The following FTO variants were observed in gnomAD, a reference collection of about 807,000 sequenced individuals.
The protein encoded by FTO is FTO alpha-ketoglutarate dependent dioxygenase.
Under a neutral mutation model 63.9 loss-of-function variants are expected in FTO, and 47 were observed. The observed-to-expected ratio is 0.74, with a 90% CI of 0.58 to 0.94. The LOEUF (loss-of-function observed/expected upper bound fraction) is 0.94. Among genes scored for constraint, FTO ranks in the 40% least tolerant of loss-of-function variants. The pLI, the probability that FTO is intolerant of heterozygous loss-of-function variation, is 0.00. For synonymous variants in FTO, 207 were observed against 224.4 expected (o/e 0.92, Z 0.69); for missense variants, 562 against 618.1 (o/e 0.91, Z 0.96).
At chr16:53,807,929 A>G (rs2078414192) in intron 1 of FTO, among the ~76,000 whole-genome samples, 1 of 152,186 alleles carries the variant, frequency 6.6e-6, no homozygotes. Flanking sequence ...AGATAAATCA[A>G]TTAACCAATA....
intron 1 of FTO, among the ~76,000 whole-genome samples, chr16:53,714,080 G>A (rs2075839930): frequency 6.6e-6 from 1 of 152,136 alleles, no homozygotes. Context: ...ATGGATAAAG[G>A]GCAGTTAAGA....
chr16:54,110,651 G>A (rs578123375), intron 8 of FTO, among the ~76,000 whole-genome samples: 1 of 152,332 alleles, frequency 6.6e-6, no homozygotes, highest in South Asian at 2.1e-4. Flanking sequence ...ATGGGGCCAG[G>A]ATATTCCATT....
chr16:53,867,439 A>G (rs775031387), intron 4 of FTO, among the ~76,000 whole-genome samples: 8 of 152,076 alleles, frequency 5.3e-5, no homozygotes, highest in Non-Finnish European at 1.2e-4. Context: ...GATAGAAGAG[A>G]TAACAATTTA....
At chr16:53,771,365 A>G (rs955338559) in intron 1 of FTO, among the ~76,000 whole-genome samples, 2 of 152,142 alleles carry the variant, frequency 1.3e-5, no homozygotes, top group Non-Finnish European at 2.9e-5. Flanking sequence ...TTCAGAATAT[A>G]TTCAGAATCC....
chr16:53,758,566 C>A (rs1026860505), intron 1 of FTO, among the ~76,000 whole-genome samples: 1 of 152,180 alleles, frequency 6.6e-6, no homozygotes, highest in Admixed American at 6.5e-5. Flanking sequence ...GTGAGGCCCA[C>A]CAGTTGACAA....
intron 1 of FTO, among the ~76,000 whole-genome samples, chr16:53,806,587 G>A (rs1197244962): frequency 6.6e-6 from 1 of 152,122 alleles, no homozygotes; most frequent in Non-Finnish European, 1.5e-5. Flanking sequence ...TCATCATGTG[G>A]ATGTCCTGTA....
chr16:53,754,599 C>T (rs2076876477), intron 1 of FTO, among the ~76,000 whole-genome samples: 1 of 152,118 alleles, frequency 6.6e-6, no homozygotes, highest in African/African-American at 2.4e-5. Context: ...GATCGCACCA[C>T]TGCACTCCAG....
intron 8 of FTO, among the ~76,000 whole-genome samples, chr16:54,078,431 C>T (rs1003845721): frequency 2.0e-5 from 3 of 148,420 alleles, no homozygotes; most frequent in Admixed American, 6.7e-5. Context: ...TATATATTTG[C>T]ACACACACAC....
chr16:54,019,068 G>A (rs865874159), intron 8 of FTO, among the ~76,000 whole-genome samples: 1 of 152,092 alleles, frequency 6.6e-6, no homozygotes, highest in Admixed American at 6.6e-5. Context: ...CCTCATGCTG[G>A]CCTCCTTTGG....
chr16:54,099,044 G>T (rs941004520), intron 8 of FTO, among the ~76,000 whole-genome samples: 1 of 152,124 alleles, frequency 6.6e-6, no homozygotes, highest in East Asian at 1.9e-4. Context: ...ATTTGGAAAG[G>T]GTTATCTTTT....
chr16:53,975,329 A>C (rs2143768480), intron 8 of FTO, among the ~76,000 whole-genome samples: 1 of 152,150 alleles, frequency 6.6e-6, no homozygotes, highest in South Asian at 2.1e-4. Flanking sequence ...TGCCCAAAGA[A>C]GTTTTCATAT....
intron 8 of FTO, among the ~76,000 whole-genome samples, chr16:53,945,603 T>G (rs2082635165): frequency 6.6e-6 from 1 of 152,248 alleles, no homozygotes; most frequent in South Asian, 2.1e-4. Flanking sequence ...TTTTTAGTTG[T>G]GGGTGCATCT....
chr16:54,003,843 T>C (rs1418114708), intron 8 of FTO, among the ~76,000 whole-genome samples: 1 of 152,218 alleles, frequency 6.6e-6, no homozygotes, highest in Non-Finnish European at 1.5e-5. Flanking sequence ...TGATGAGACA[T>C]CTCTTTAGTG....
chr16:53,723,910 G>A (rs777557001), intron 1 of FTO, among the ~76,000 whole-genome samples: 2 of 152,196 alleles, frequency 1.3e-5, no homozygotes, highest in Non-Finnish European at 2.9e-5. Context: ...GAAATAGCAG[G>A]AGTCACTAAT....
intron 8 of FTO, among the ~76,000 whole-genome samples, chr16:53,950,179 A>AAAAAAC (rs201710707): frequency 2.8e-4 from 41 of 145,850 alleles, no homozygotes; most frequent in Non-Finnish European, 2.9e-4. Flanking sequence ...AAAAAAAAAA[A>AAAAAAC]CTTAATCCAT....
chr16:53,927,056 A>G (rs1447664242), intron 7 of FTO, among the ~76,000 whole-genome samples: 1 of 152,204 alleles, frequency 6.6e-6, no homozygotes, highest in Non-Finnish European at 1.5e-5. Flanking sequence ...ATTATTTAAG[A>G]GGAAGTAACA....
rs1418825021 is a variant in FTO at position 54,114,163 on chromosome 16, C to T, written c.*2248C>T. Reference sequence around the variant, plus strand: ...CAATAGTCCTAGGCCCCCATCCTCGCATGGCAGCAAGCTAAATAAGCATCT... The same window carrying T: ...CAATAGTCCTAGGCCCCCATCCTCGTATGGCAGCAAGCTAAATAAGCATCT... On this transcript the variant is annotated 3_prime_UTR_variant, in exon 9 of 9. Coordinates refer to ENST00000471389, the MANE Select transcript of FTO (RefSeq NM_001080432.3). 3 of 152,216 alleles carry T rather than the reference C, an allele frequency of 2.0e-5. No homozygotes were observed. The highest frequency in any genetic ancestry group is 4.4e-5 in the Non-Finnish European group (3 of 68,048). 9.4% of individuals were successfully genotyped at this position (152,216 alleles called of 1,614,324 possible).
At chr16:53,711,373 AT>A (rs1462933139) in intron 1 of FTO, 3 of 398,426 alleles carry the variant, frequency 7.5e-6, no homozygotes, top group African/African-American at 6.2e-5. Flanking sequence ...AAGGAACCTG[AT>A]TAAGTGTCGA....
At chr16:53,912,590 T>C (rs1247947639) in intron 7 of FTO, among the ~76,000 whole-genome samples, 1 of 152,204 alleles carries the variant, frequency 6.6e-6, no homozygotes, top group East Asian at 1.9e-4. Context: ...CCACTCGCCG[T>C]AGAATCATCA....
Sources: allele counts gnomAD v4.1 joint callset (sites outside exome capture counted in the v4.1 genomes callset), GRCh38; gene constraint gnomAD v4.1.1; transcripts MANE v1.5; gene names NCBI Gene and HGNC (gene_info 2026-07-23, HGNC 2026-07-21).